The following ADARB1 variants were observed in gnomAD, a reference collection of about 807,000 sequenced individuals.
The protein encoded by ADARB1 is adenosine deaminase RNA specific B1.
ADARB1 carries 10 observed loss-of-function variants against 52.4 expected under a neutral mutation model. The ratio of observed to expected loss-of-function variants is 0.19; its 90% CI spans 0.12 to 0.32. The LOEUF (loss-of-function observed/expected upper bound fraction) is 0.32, where lower values mean the gene tolerates loss of function less well. Ranked by LOEUF, ADARB1 falls within the 10% of genes least tolerant of loss-of-function variation. The pLI is 1.00. For synonymous variants in ADARB1, 349 were observed against 371.1 expected (o/e 0.94, Z 0.68); for missense variants, 643 against 922.3 (o/e 0.70, Z 3.92).
chr21:45,099,648 A>T (rs979436534), intron 1 of ADARB1, among the ~76,000 whole-genome samples: 1 of 152,194 alleles, frequency 6.6e-6, no homozygotes, highest in African/African-American at 2.4e-5. Flanking sequence ...CAAAAAAATA[A>T]AAAATAAAAA....
Position 45,226,285 on chromosome 21 carries a change from T to C in ADARB1, c.*4088T>C, listed in dbSNP as rs540239385. ...CACAGTCTATGGAACGCTAATGGAG[T>C]CAGCCCCTAAAGCTGTTTGCTTTTT... On this transcript the variant is annotated 3_prime_UTR_variant, in exon 11 of 11. Coordinates refer to ENST00000348831, the MANE Select transcript of ADARB1 (RefSeq NM_001112.4). The C allele has an allele frequency of 6.6e-6, 1 of 152,512 alleles. No individual in the cohort carries two copies. The highest frequency in any genetic ancestry group is 2.1e-4 in the South Asian group (1 of 4,814). The allele number at this position is 152,512 out of a possible 1,614,324, so 9.4% of individuals were successfully genotyped here. A position where few individuals can be genotyped will look rare whatever the true frequency, so the allele number is the denominator to read the frequency against.
At chr21:45,132,033 T>C (rs1446141575) in intron 2 of ADARB1, among the ~76,000 whole-genome samples, 2 of 152,268 alleles carry the variant, frequency 1.3e-5, no homozygotes, top group Non-Finnish European at 2.9e-5. Flanking sequence ...CCTCAGATAT[T>C]GTGACAAAAA....
chr21:45,121,388 C>T (rs78339359), intron 1 of ADARB1, among the ~76,000 whole-genome samples: 16 of 152,242 alleles, frequency 1.1e-4, no homozygotes, highest in African/African-American at 2.9e-4. Flanking sequence ...TTTACTTTCC[C>T]GTCTGCACAT....
chr21:45,095,271 C>T (rs1424926516), intron 1 of ADARB1, among the ~76,000 whole-genome samples: 1 of 152,274 alleles, frequency 6.6e-6, no homozygotes, highest in Non-Finnish European at 1.5e-5. Context: ...GCTGCGCTCC[C>T]TGCTTGCTCT....
intron 5 of ADARB1, among the ~76,000 whole-genome samples, chr21:45,181,166 C>T (rs900912768): frequency 6.6e-6 from 1 of 152,186 alleles, no homozygotes; most frequent in African/African-American, 2.4e-5. Flanking sequence ...CCCTAGAGGT[C>T]AGGGAGGAAG....
rs1456305053 is a variant in ADARB1, at chr21:45,142,084, C to T, written c.-48+13511C>T. 3.9e-5 allele frequency among the ~76,000 whole-genome samples: 6 copies of T among 152,224 alleles called. No individual in the cohort carries two copies. Among genetic ancestry groups the T allele is most frequent in the Non-Finnish European group, 7.4e-5 (5 of 68,026 alleles). The stretch of plus-strand genomic sequence containing the variant: ...CTTAGCCACCCCCGGGCCACCTTGG[C>T]CACTCTGGGTCACCTTGTCTACCCC... On this transcript the variant is annotated intron_variant, in intron 2 of 10. Coordinates refer to ENST00000348831, the MANE Select transcript of ADARB1 (RefSeq NM_001112.4). This position sits in a 1 kb window ranked among gnomAD's most constrained non-coding sequence, Gnocchi z 4.0.
chr21:45,147,161 C>CA (rs1182764656), intron 2 of ADARB1, among the ~76,000 whole-genome samples: 1 of 152,166 alleles, frequency 6.6e-6, no homozygotes, highest in Non-Finnish European at 1.5e-5. Flanking sequence ...AGTGTGGAGT[C>CA]ATTTTTCATA....
chr21:45,224,655 ACTGGGTTCCGGGAGCC>A lies in ADARB1; in HGVS notation c.*2464_*2479del. On this transcript the variant is annotated 3_prime_UTR_variant, in exon 11 of 11. Transcript: ENST00000348831. ...CTGGGCGGGGTGGCTGTCAGGGGGA[ACTGGGTTCCGGGAGCC>A]CTGGGCCGGGGCAGGGGGCGGCTGT... 1 of 753,596 alleles carries A rather than the reference ACTGGGTTCCGGGAGCC, an allele frequency of 1.3e-6. No homozygotes were observed. The highest frequency in any genetic ancestry group is 1.5e-6 in the Non-Finnish European group (1 of 687,776). 46.7% of individuals were successfully genotyped at this position (753,596 alleles called of 1,614,324 possible). A position where few individuals can be genotyped will look rare whatever the true frequency, so the allele number is the denominator to read the frequency against.
rs559332120 is a variant in ADARB1, at chr21:45,223,832, T to C, written c.*1635T>C. ...TCCACGTGTGTCCACACAGATCTCG[T>C]CGCAGCACGGCAGGAAGGGGTGCTG... On this transcript the variant is annotated 3_prime_UTR_variant, in exon 11 of 11. Transcript: ENST00000348831. 9.5e-5 allele frequency: 94 copies of C among 985,138 alleles called. No individual in the cohort carries two copies. Among genetic ancestry groups the C allele is most frequent in the Non-Finnish European group, 1.1e-4 (92 of 829,930 alleles). 61.0% of individuals were successfully genotyped at this position (985,138 alleles called of 1,614,324 possible). A position where few individuals can be genotyped will look rare whatever the true frequency, so the allele number is the denominator to read the frequency against.
At chr21:45,107,728 A>G (rs1373087548) in intron 1 of ADARB1, among the ~76,000 whole-genome samples, 2 of 152,198 alleles carry the variant, frequency 1.3e-5, no homozygotes, top group African/African-American at 4.8e-5. Context: ...GAAAAAGGCA[A>G]CTGTTCCAAT....
chr21:45,184,921 A>G lies in ADARB1; in HGVS notation c.1397-2A>G. 1 of 1,609,252 alleles carries G rather than the reference A, an allele frequency of 6.2e-7. No individual in the cohort carries two copies. Among genetic ancestry groups the G allele is most frequent in the Non-Finnish European group, 8.5e-7 (1 of 1,176,086 alleles). ...GGGGTTTTAACTCTTTTTCTCTCTT[A>G]GAACCAGCAGATAGACACCCAAATC... On this transcript the variant is annotated splice_acceptor_variant, in intron 7 of 10. Transcript: ENST00000348831. LOFTEE classifies it high-confidence loss of function.
chr21:45,152,303 C>T (rs925772063), intron 2 of ADARB1, among the ~76,000 whole-genome samples: 1 of 133,698 alleles, frequency 7.5e-6, no homozygotes, highest in Non-Finnish European at 1.6e-5. Context: ...AGAAGATTCA[C>T]GGCTGTCGTT....
chr21:45,117,430 T>C (rs924876308), intron 1 of ADARB1, among the ~76,000 whole-genome samples: 2 of 152,226 alleles, frequency 1.3e-5, no homozygotes, highest in African/African-American at 4.8e-5. Flanking sequence ...GTTTCTGTTA[T>C]GTATATGGGA....
intron 1 of ADARB1, among the ~76,000 whole-genome samples, chr21:45,104,711 G>A (rs2087171081): frequency 6.6e-6 from 1 of 152,228 alleles, no homozygotes; most frequent in African/African-American, 2.4e-5. Context: ...TGGCAAGCGT[G>A]CCCTCTGGGG....
Position 45,225,414 on chromosome 21 carries a change from G to A in ADARB1, c.*3217G>A, listed in dbSNP as rs1410280925. 16 of 1,296,774 alleles carry A rather than the reference G, an allele frequency of 1.2e-5. No homozygotes were observed. Among genetic ancestry groups the A allele is most frequent in the Admixed American group, 3.1e-5 (1 of 32,538 alleles). The allele number at this position is 1,296,774 out of a possible 1,614,324, so 80.3% of individuals were successfully genotyped here. Reference sequence around the variant, plus strand: ...TAATTAAAAGCAATTATTTTAAAATGTGCAAGCCAGTATCTCACAAGGCAT... The same window carrying A: ...TAATTAAAAGCAATTATTTTAAAATATGCAAGCCAGTATCTCACAAGGCAT... On this transcript the variant is annotated 3_prime_UTR_variant, in exon 11 of 11. Transcript: ENST00000348831.
At chr21:45,187,759 A>G (rs1329166886) in intron 8 of ADARB1, among the ~76,000 whole-genome samples, 1 of 152,216 alleles carries the variant, frequency 6.6e-6, no homozygotes, top group Admixed American at 6.5e-5. Flanking sequence ...CTTTTTCTGC[A>G]TCAATTGAGA....
At chr21:45,197,682 C>T (rs533455654) in intron 8 of ADARB1, among the ~76,000 whole-genome samples, 8 of 152,134 alleles carry the variant, frequency 5.3e-5, no homozygotes, top group East Asian at 3.9e-4. Flanking sequence ...AGCCATCAAC[C>T]GGTAAATAGA....
At chr21:45,170,914 A>G (rs926608088) in intron 2 of ADARB1, among the ~76,000 whole-genome samples, 1 of 152,234 alleles carries the variant, frequency 6.6e-6, no homozygotes. Flanking sequence ...TCTCCTGCCA[A>G]CAAAATAATA....
chr21:45,181,324 A>G (rs2091924799), intron 5 of ADARB1, among the ~76,000 whole-genome samples: 1 of 152,118 alleles, frequency 6.6e-6, no homozygotes, highest in Non-Finnish European at 1.5e-5. Context: ...TGCCCTAGGA[A>G]ACCTGGCTGC....
Sources: gnomAD v4.1 joint callset for allele counts (sites outside exome capture counted in the v4.1 genomes callset) on GRCh38, gnomAD v4.1.1 for gene constraint, Gnocchi (gnomAD v3.1) non-coding constraint, MANE v1.5 for transcripts, NCBI Gene and HGNC (gene_info 2026-07-23, HGNC 2026-07-21) for gene names.